POU6F2: variants seen among roughly 807,000 people sequenced by gnomAD.
The protein encoded by POU6F2 is POU domain, class 6, transcription factor 2.
In POU6F2, 31 loss-of-function variants were observed where a neutral mutation model predicts 71.3. The observed-to-expected ratio is 0.43, with a 90% CI of 0.33 to 0.59. POU6F2 has a LOEUF of 0.59. Ranked by LOEUF, POU6F2 falls within the 20% of genes least tolerant of loss-of-function variation. The pLI is 0.04. For missense variants in POU6F2, 783 were observed against 856.8 expected, an observed-to-expected ratio of 0.91 and a Z score of 1.07; for synonymous variants, 347 against 355.7, an observed-to-expected ratio of 0.98 and a Z score of 0.27.
chr7:39,187,520 A>T (rs1051172535), intron 2 of POU6F2, among the ~76,000 whole-genome samples: 3 of 152,218 alleles, frequency 2.0e-5, no homozygotes, highest in Non-Finnish European at 4.4e-5. Flanking sequence ...GCATGCAGCT[A>T]TGCTTGTGGT....
chr7:39,086,975 A>G (rs1015336905), intron 2 of POU6F2, among the ~76,000 whole-genome samples: 3 of 151,926 alleles, frequency 2.0e-5, no homozygotes, highest in African/African-American at 7.3e-5. Context: ...GCACACACAC[A>G]TAGACATATA....
Position 39,161,700 on chromosome 7 carries a change from C to A in POU6F2, c.278-42535C>A, listed in dbSNP as rs1479772535. ...TGGTCAGTGACAGGCACCTTGTCTC[C>A]CCACAATTTTATGATACAAAAGCGG... On this transcript the variant is annotated intron_variant, in intron 2 of 9. Transcript: ENST00000518318. 5.9e-5 allele frequency among the ~76,000 whole-genome samples: 9 copies of A among 152,044 alleles called. No homozygotes were observed. In the East Asian group the frequency reaches 1.7e-3, roughly 29 times the overall value.
chr7:39,053,616 T>C (rs991987051), intron 1 of POU6F2, among the ~76,000 whole-genome samples: 1 of 152,142 alleles, frequency 6.6e-6, no homozygotes, highest in Non-Finnish European at 1.5e-5. Context: ...CACATTGGCA[T>C]GTATAATCTG....
In POU6F2 at chr7:39,073,139, G is replaced by A. The variant is rs183547205; in HGVS notation, c.106-12721G>A. On this transcript the variant is annotated intron_variant, in intron 1 of 9. Coordinates refer to ENST00000518318, the MANE Select transcript of POU6F2 (RefSeq NM_001370959.1). ...AATAAATATTTGTTGAATTGCATCA[G>A]TTTTGTCTTAAGTAGGCTCTGATTC... Among the ~76,000 whole-genome samples the A allele has an allele frequency of 2.8e-4, 42 of 152,194 alleles. 1 individual carries two copies. The East Asian group carries it at 7.4e-3, about 27-fold the overall frequency.
intron 1 of POU6F2, among the ~76,000 whole-genome samples, chr7:38,994,595 G>A (rs927674044): frequency 1.3e-5 from 2 of 152,060 alleles, no homozygotes; most frequent in African/African-American, 4.8e-5. Flanking sequence ...CTGGGGAGAG[G>A]GTTGAGTCTG....
In POU6F2 at chr7:39,207,570, C is replaced by T; in HGVS notation, c.548C>T (p.Ala183Val). 6.2e-7 allele frequency: 1 copy of T among 1,613,996 alleles called. No homozygotes were observed. Among genetic ancestry groups the T allele is most frequent in the Non-Finnish European group, 8.5e-7 (1 of 1,179,878 alleles). The change falls in exon 4 of 10, where the codon GCA becomes GTA. Residue 183 changes from alanine to valine, a missense_variant. By Grantham distance (64) the Ala-to-Val change is moderately conservative. Transcript: ENST00000518318. Reference sequence around the variant, plus strand: ...CTCACCAACATCCAAGGGCTGGTGGCAGCAGCTGCAGCCGGAGGCATTATG... The same window carrying T: ...CTCACCAACATCCAAGGGCTGGTGGTAGCAGCTGCAGCCGGAGGCATTATG... ...ANLTNIQGLV[A>V]AAAAGGIMTL...
rs1218137475 is a variant in POU6F2, at chr7:39,218,177, T to G, written c.598+10557T>G. ...AAAAGTGAGTAGCTCTTTTCCAAGA[T>G]GGCTGCCACTAGACTGTCACTGATG... On this transcript the variant is annotated intron_variant, in intron 4 of 9. Coordinates refer to ENST00000518318, the MANE Select transcript of POU6F2 (RefSeq NM_001370959.1). 2.6e-5 allele frequency among the ~76,000 whole-genome samples: 4 copies of G among 152,138 alleles called. No individual in the cohort carries two copies. In the East Asian group the frequency reaches 7.7e-4, roughly 29 times the overall value.
intron 1 of POU6F2, among the ~76,000 whole-genome samples, chr7:39,056,653 T>G (rs1790526927): frequency 2.3e-5 from 3 of 130,634 alleles, no homozygotes; most frequent in Admixed American, 8.1e-5. Context: ...TCTTTTTCTC[T>G]CTCTCTCTCT....
intron 4 of POU6F2, among the ~76,000 whole-genome samples, chr7:39,338,706 A>G (rs1785838959): frequency 1.3e-5 from 2 of 152,244 alleles, no homozygotes; most frequent in Non-Finnish European, 2.9e-5. Flanking sequence ...TAGGCAAAAA[A>G]GAAAGTGAAC....
At chr7:39,374,680 G>A (rs1029944145) in intron 5 of POU6F2, among the ~76,000 whole-genome samples, 3 of 152,264 alleles carry the variant, frequency 2.0e-5, no homozygotes, top group East Asian at 1.9e-4. Context: ...AGTCAACCAC[G>A]GGGGAGTCTT....
At chr7:39,154,722 T>G (rs867369836) in intron 2 of POU6F2, among the ~76,000 whole-genome samples, 1 of 151,922 alleles carries the variant, frequency 6.6e-6, no homozygotes, top group Non-Finnish European at 1.5e-5. Context: ...CCTAGCCAAG[T>G]TGAAAAAAAG....
chr7:39,369,278 G>A (rs1376673425), intron 5 of POU6F2, among the ~76,000 whole-genome samples: 2 of 152,116 alleles, frequency 1.3e-5, no homozygotes, highest in Non-Finnish European at 2.9e-5. Flanking sequence ...TCAGTCAGCA[G>A]CCATCAACAT....
intron 4 of POU6F2, among the ~76,000 whole-genome samples, chr7:39,329,698 C>T (rs1785597446): frequency 6.6e-6 from 1 of 152,090 alleles, no homozygotes; most frequent in Admixed American, 6.5e-5. Context: ...CTGGGACTTG[C>T]CCTGAAATCC....
chr7:39,001,211 GAGATGAAATAT>G (rs56176589), intron 1 of POU6F2, among the ~76,000 whole-genome samples: 23,902 of 151,878 alleles, frequency 0.16, 2,296 homozygotes, highest in Non-Finnish European at 0.22. Context: ...TTTCCATAAT[GAGATGAAATAT>G]ACTAGAAAGA....
At chr7:39,056,102 A>G (rs144621071) in intron 1 of POU6F2, among the ~76,000 whole-genome samples, 2 of 151,980 alleles carry the variant, frequency 1.3e-5, no homozygotes, top group African/African-American at 4.8e-5. Flanking sequence ...TATTTTCAGC[A>G]ATTTTTATTT....
intron 1 of POU6F2, among the ~76,000 whole-genome samples, chr7:39,061,948 T>G (rs7779586): frequency 6.6e-6 from 1 of 152,162 alleles, no homozygotes; most frequent in African/African-American, 2.4e-5. Flanking sequence ...GGTGCTTTTG[T>G]GCACTTTCCA....
chr7:39,361,320 A>G (rs367679337), intron 5 of POU6F2, among the ~76,000 whole-genome samples: 4 of 152,304 alleles, frequency 2.6e-5, no homozygotes, highest in Admixed American at 1.3e-4. Flanking sequence ...TTTTTCTCCC[A>G]CCACAAAGCA....
chr7:39,008,656 G>T (rs1209270620), intron 1 of POU6F2, among the ~76,000 whole-genome samples: 1 of 150,604 alleles, frequency 6.6e-6, no homozygotes. Context: ...ATGGTTTTAG[G>T]TCTAACGTTT....
At chr7:39,309,635 G>A (rs1355135883) in intron 4 of POU6F2, among the ~76,000 whole-genome samples, 5 of 152,188 alleles carry the variant, frequency 3.3e-5, no homozygotes, top group African/African-American at 1.2e-4. Context: ...ATAATGTCAA[G>A]GTTAACATTT....
Sources: gnomAD v4.1 joint callset for allele counts (sites outside exome capture counted in the v4.1 genomes callset) on GRCh38, gnomAD v4.1.1 for gene constraint, MANE v1.5 for transcripts, NCBI Gene and HGNC (gene_info 2026-07-23, HGNC 2026-07-21) for gene names.